Variants in NLRC4 observed in about 807,000 individuals in gnomAD.
NLRC4 encodes the protein NLR family CARD domain containing 4, also known as NLR family CARD domain-containing protein 4.
In NLRC4, 63 loss-of-function variants were observed where a neutral mutation model predicts 79.9. The observed-to-expected ratio is 0.79, with a 90% CI of 0.64 to 0.97. NLRC4 has a LOEUF of 0.97. Ranked by LOEUF, NLRC4 falls within the 50% of genes least tolerant of loss-of-function variation. NLRC4 has a pLI of 0.00. For missense variants in NLRC4, 1,074 were observed against 1,215.2 expected, an observed-to-expected ratio of 0.88 and a Z score of 1.73; for synonymous variants, 461 against 456.5, an observed-to-expected ratio of 1.01 and a Z score of -0.12.
Position 32,251,130 on chromosome 2 carries a change from A to T in NLRC4, c.734T>A (p.Phe245Tyr), listed in dbSNP as rs1687066883. Residue 245 changes from phenylalanine (F) to tyrosine (Y), a missense_variant, in exon 4 of 9, where the codon TTC (phenylalanine) becomes TAC (tyrosine). Transcript: ENST00000402280. Reference protein sequence around the residue: ...MLLKLRQRVLFLLDGYNEFKP... With the variant: ...MLLKLRQRVLYLLDGYNEFKP... The stretch of plus-strand genomic sequence containing the variant: ...GAATTCATTGTAGCCATCAAGAAGG[A>T]AAAGAACCCTCTGCCGCAGCTTCAG... 3 of 1,614,072 alleles carry T rather than the reference A, an allele frequency of 1.9e-6. No individual in the cohort carries two copies. Among genetic ancestry groups the T allele is most frequent in the South Asian group, 2.2e-5 (2 of 91,086 alleles).
chr2:32,261,630 CACTT>C (rs1170601001), intron 1 of NLRC4, among the ~76,000 whole-genome samples: 1 of 151,418 alleles, frequency 6.6e-6, no homozygotes, highest in Non-Finnish European at 1.5e-5. Flanking sequence ...CTCTCAAACT[CACTT>C]CTTGTGTGTC....
intron 1 of NLRC4, among the ~76,000 whole-genome samples, chr2:32,263,117 C>T (rs1222724655): frequency 3.3e-5 from 5 of 152,012 alleles, no homozygotes; most frequent in South Asian, 2.1e-4. Context: ...ATATAACCCA[C>T]GTCTATGGGG....
In NLRC4 at chr2:32,250,563, C is replaced by T. The variant is rs1309926200; in HGVS notation, c.1301G>A (p.Arg434Lys). 1.9e-6 allele frequency: 3 copies of T among 1,614,048 alleles called. No homozygotes were observed. Among genetic ancestry groups the T allele is most frequent in the Non-Finnish European group, 2.5e-6 (3 of 1,180,036 alleles). The change falls in exon 4 of 9, where the codon AGG becomes AAG. Residue 434 changes from arginine to lysine, a missense_variant. Transcript: ENST00000402280. This position sits in a 1 kb window ranked among gnomAD's most constrained non-coding sequence, Gnocchi z 4.9. ...TGLLCKYTAQ[R>K]FKPKYKFFHK... Reference sequence around the variant, plus strand: ...AAAGAATTTATACTTTGGCTTGAACCTTTGAGCTGTATATTTACAGAGGAG... The same window carrying T: ...AAAGAATTTATACTTTGGCTTGAACTTTTGAGCTGTATATTTACAGAGGAG...
intron 1 of NLRC4, among the ~76,000 whole-genome samples, chr2:32,261,808 C>A (rs796571812): frequency 5.3e-5 from 8 of 152,060 alleles, no homozygotes; most frequent in African/African-American, 1.9e-4. Flanking sequence ...AGCAGCCAGG[C>A]GCGGTGGCTC....
Position 32,251,039 on chromosome 2 carries a change from G to A in NLRC4, c.825C>T (p.Val275=). The change falls in exon 4 of 9, where the codon GTC becomes GTT. Residue 275 remains valine (V), a synonymous_variant. Transcript: ENST00000402280. ...IKENHRFKNM[V]IVTTTTECLR... is the part of the protein sequence containing the mutation. Reference sequence around the variant, plus strand: ...GGCACTCAGTGGTAGTGGTGACGATGACCATGTTCTTGAAGCGGTGGTTTT... The same window carrying A: ...GGCACTCAGTGGTAGTGGTGACGATAACCATGTTCTTGAAGCGGTGGTTTT... 6.2e-7 allele frequency: 1 copy of A among 1,614,154 alleles called. No individual in the cohort carries two copies. Among genetic ancestry groups the A allele is most frequent in the Non-Finnish European group, 8.5e-7 (1 of 1,180,042 alleles).
rs769405673 is a variant in NLRC4, at chr2:32,249,809, G to A, written c.2055C>T (p.Ser685=). ...QDIRYLGKIF[S]SATSLRLQIK... is the part of the protein sequence containing the mutation. The stretch of plus-strand genomic sequence containing the variant: ...TTTGCAGCCTGAGGCTTGTGGCAGA[G>A]CTGAATATTTTCCCCAGATATCTGA... The change falls in exon 4 of 9, where the codon AGC becomes AGT. Residue 685 remains serine (S), a synonymous_variant. Transcript: ENST00000402280. 6.2e-7 allele frequency: 1 copy of A among 1,614,182 alleles called. No homozygotes were observed. The highest frequency in any genetic ancestry group is 8.5e-7 in the Non-Finnish European group (1 of 1,180,034).
Position 32,246,812 on chromosome 2 carries a change from T to C in NLRC4, c.2257+2795A>G. ...TTCTTTTCTTTTTGGAGATAGGGTC[T>C]TGCTGTGTTGCCCAGGCACAGATAT... On this transcript the variant is annotated intron_variant, in intron 4 of 8. Coordinates refer to ENST00000402280, the MANE Select transcript of NLRC4 (RefSeq NM_001199138.2). Among the ~76,000 whole-genome samples the C allele has an allele frequency of 1.3e-5, 2 of 152,236 alleles. 1 individual carries two copies. Among genetic ancestry groups the C allele is most frequent in the Non-Finnish European group, 2.9e-5 (2 of 68,048 alleles).
At position 32,224,610 on chromosome 2, in the gene NLRC4, C is replaced by T; in HGVS notation, c.2938G>A (p.Asp980Asn). Residue 980 changes from aspartate to asparagine, a missense_variant, in exon 9 of 9, where the codon GAT (aspartate) becomes AAT (asparagine). By Grantham distance (23) the Asp-to-Asn change is conservative. Transcript: ENST00000402280. ...FDFSTKEFLP[D>N]PALVRKLSQV... is the part of the protein sequence containing the mutation. ...CTAAGTTTTCTGACTAATGCTGGAT[C>T]AGGTAGAAATTCTTTAGTACTAAAG... 1 of 1,613,872 alleles carries T rather than the reference C, an allele frequency of 6.2e-7. No homozygotes were observed. The highest frequency in any genetic ancestry group is 8.5e-7 in the Non-Finnish European group (1 of 1,179,862).
chr2:32,239,141 C>T (rs751328561), intron 5 of NLRC4, among the ~76,000 whole-genome samples: 8 of 151,980 alleles, frequency 5.3e-5, no homozygotes, highest in Non-Finnish European at 8.8e-5. Context: ...ATTAGCTGGG[C>T]GTGATGGTGC....
At chr2:32,261,645 T>C (rs546904910) in intron 1 of NLRC4, among the ~76,000 whole-genome samples, 6 of 152,044 alleles carry the variant, frequency 3.9e-5, no homozygotes, top group Admixed American at 1.3e-4. Context: ...CTTGTGTGTC[T>C]GTGTCCTCGA....
intron 5 of NLRC4, among the ~76,000 whole-genome samples, chr2:32,239,612 C>T (rs1195953320): frequency 6.6e-6 from 1 of 152,050 alleles, no homozygotes; most frequent in Non-Finnish European, 1.5e-5. Flanking sequence ...ATAAAACTGC[C>T]GAGGCTAGTG....
chr2:32,256,442 C>T (rs756585281), intron 2 of NLRC4, among the ~76,000 whole-genome samples: 7 of 152,030 alleles, frequency 4.6e-5, no homozygotes, highest in Non-Finnish European at 8.8e-5. Flanking sequence ...GAAGGAGCTA[C>T]ATTTTGGTTG....
intron 3 of NLRC4, among the ~76,000 whole-genome samples, chr2:32,252,014 T>C (rs1250818579): frequency 6.6e-6 from 1 of 152,216 alleles, no homozygotes; most frequent in East Asian, 1.9e-4. Flanking sequence ...CATAGAATCA[T>C]GGTTCTGTGT....
intron 8 of NLRC4, among the ~76,000 whole-genome samples, chr2:32,228,564 A>G (rs1345925487): frequency 6.6e-6 from 1 of 152,238 alleles, no homozygotes; most frequent in Non-Finnish European, 1.5e-5. Flanking sequence ...CAGGCACTGT[A>G]GAAAACAAGA....
chr2:32,246,626 C>T (rs1379736857), intron 4 of NLRC4, among the ~76,000 whole-genome samples: 1 of 152,234 alleles, frequency 6.6e-6, no homozygotes, highest in African/African-American at 2.4e-5. Flanking sequence ...CTGGTCTACA[C>T]AGGTAGGGCA....
intron 8 of NLRC4, among the ~76,000 whole-genome samples, chr2:32,229,710 A>G (rs1166680709): frequency 6.6e-6 from 1 of 152,208 alleles, no homozygotes; most frequent in Non-Finnish European, 1.5e-5. Context: ...AAGAAGACTG[A>G]GAAGTAGCCA....
rs758432190 is a variant in NLRC4, at chr2:32,250,295, G to A, written c.1569C>T (p.Ile523=). 3.7e-5 allele frequency: 59 copies of A among 1,614,034 alleles called. No individual in the cohort carries two copies. The African/African-American group carries it at 4.4e-4, about 12-fold the overall frequency. The change falls in exon 4 of 9, where the codon ATC becomes ATT. Residue 523 remains isoleucine, a synonymous_variant. Transcript: ENST00000402280. The surrounding 1 kb of genome is among the most constrained non-coding windows in gnomAD (Gnocchi z 4.9). ...CCTGTCTCCAGAGAGGCCTCTTGGC[G>A]ATGGAAAGTCCGAGAAGGCAGCCGT... is the stretch of plus-strand genomic sequence containing the variant. ...YQHGCLLGLS[I]AKRPLWRQES...
At chr2:32,244,195 A>G (rs952051570) in intron 4 of NLRC4, among the ~76,000 whole-genome samples, 4 of 152,142 alleles carry the variant, frequency 2.6e-5, no homozygotes, top group Non-Finnish European at 4.4e-5. Flanking sequence ...GGCTACAGTG[A>G]GCTATGATCA....
chr2:32,226,395 G>T (rs1465515354), intron 8 of NLRC4, among the ~76,000 whole-genome samples: 1 of 152,196 alleles, frequency 6.6e-6, no homozygotes, highest in Non-Finnish European at 1.5e-5. Flanking sequence ...AGTTTCGAAA[G>T]GTCTTCAGGT....
Sources: allele counts gnomAD v4.1 joint callset (sites outside exome capture counted in the v4.1 genomes callset), GRCh38; gene constraint gnomAD v4.1.1; non-coding constraint Gnocchi (gnomAD v3.1); transcripts MANE v1.5; gene names NCBI Gene and HGNC (gene_info 2026-07-23, HGNC 2026-07-21).